The following USP46 variants were observed in gnomAD, a reference collection of about 807,000 sequenced individuals.
The protein encoded by USP46 is ubiquitin carboxyl-terminal hydrolase 46.
A neutral mutation model predicts 44.4 loss-of-function variants in USP46; 12 were observed. The ratio of observed to expected loss-of-function variants is 0.27; its 90% CI spans 0.17 to 0.44. The LOEUF (loss-of-function observed/expected upper bound fraction) is 0.44. USP46 is among the 20% of genes least tolerant of loss of function. USP46 has a pLI of 1.00. For synonymous variants in USP46, 155 were observed against 161.5 expected (o/e 0.96, Z 0.31); for missense variants, 248 against 444.8 (o/e 0.56, Z 3.98).
intron 2 of USP46, 168 bp from the exon 3 acceptor site, chr4:52,628,331 T>C: frequency 1.7e-6 from 1 of 601,452 alleles, no homozygotes; most frequent in South Asian, 2.3e-5. Context: ...TAAACACCAG[T>C]GACCATCTGA....
chr4:52,628,322 A>G, intron 2 of USP46, 159 bp from the exon 3 acceptor site: 1 of 631,038 alleles, frequency 1.6e-6, no homozygotes, highest in East Asian at 2.8e-5. Context: ...TAACTACTCT[A>G]AACACCAGTG....
chr4:52,595,167 T>C lies in USP46; in HGVS notation c.*2473A>G, dbSNP rs1002286538. The C allele has an allele frequency of 6.6e-6, 1 of 152,618 alleles. No individual in the cohort carries two copies. Among genetic ancestry groups the C allele is most frequent in the Non-Finnish European group, 1.5e-5 (1 of 68,024 alleles). The allele number at this position is 152,618 out of a possible 1,614,324, so 9.5% of individuals were successfully genotyped here. A position where few individuals can be genotyped will look rare whatever the true frequency, so the allele number is the denominator to read the frequency against. On this transcript the variant is annotated 3_prime_UTR_variant, in exon 9 of 9. Transcript: ENST00000441222. ...CATTGGAGGGAATACTGCAGAGCCT[T>C]TGGGCTATCGCTGACCTCAGAATGG...
chr4:52,627,235 C>T (rs1717630258), intron 3 of USP46, among the ~76,000 whole-genome samples: 2 of 152,156 alleles, frequency 1.3e-5, no homozygotes, highest in Non-Finnish European at 1.5e-5. Flanking sequence ...CTTCAAAATA[C>T]AGCAATCAAA....
intron 1 of USP46, among the ~76,000 whole-genome samples, chr4:52,640,654 A>G (rs1718302263): frequency 6.6e-6 from 1 of 151,768 alleles, no homozygotes; most frequent in Non-Finnish European, 1.5e-5. Context: ...AAAAAATACA[A>G]AATTAGCCAG....
rs1328093125 is a variant in USP46, at chr4:52,625,974, A to T, written c.561+44T>A. The T allele has an allele frequency of 2.6e-6, 4 of 1,557,230 alleles. No individual in the cohort carries two copies. The East Asian group carries it at 9.0e-5, about 35-fold the overall frequency. On this transcript the variant is annotated intron_variant, in intron 4 of 8. Transcript: ENST00000441222. ...CAATCACATGCAACATAGCGTACAT[A>T]AATATGAACATGCGAGCTACATAAG... is the stretch of plus-strand genomic sequence containing the variant.
At chr4:52,620,959 T>A (rs1461507436) in intron 4 of USP46, among the ~76,000 whole-genome samples, 2 of 152,144 alleles carry the variant, frequency 1.3e-5, no homozygotes, top group East Asian at 1.9e-4. Context: ...AACTAAAGCA[T>A]CATGCAACAA....
Position 52,631,044 on chromosome 4 carries a change from A to G in USP46, c.117+20T>C. The G allele has an allele frequency of 6.5e-7, 1 of 1,546,118 alleles. No homozygotes were observed. The highest frequency in any genetic ancestry group is 8.8e-7 in the Non-Finnish European group (1 of 1,142,276). The stretch of plus-strand genomic sequence containing the variant: ...ATACCCTAAAACATTTGATGAAAAT[A>G]ATACATTTTACATACTTACATTGAC... On this transcript the variant is annotated intron_variant, in intron 2 of 8. Coordinates refer to ENST00000441222, the MANE Select transcript of USP46 (RefSeq NM_022832.4).
chr4:52,591,422 C>T lies in USP46; in HGVS notation c.*6218G>A, dbSNP rs1716007554. The T allele has an allele frequency of 1.3e-5, 2 of 152,208 alleles. No individual in the cohort carries two copies. The highest frequency in any genetic ancestry group is 2.9e-5 in the Non-Finnish European group (2 of 68,034). 9.4% of individuals were successfully genotyped at this position (152,208 alleles called of 1,614,324 possible). A position where few individuals can be genotyped will look rare whatever the true frequency, so the allele number is the denominator to read the frequency against. On this transcript the variant is annotated 3_prime_UTR_variant, in exon 9 of 9. Transcript: ENST00000441222. The stretch of plus-strand genomic sequence containing the variant: ...AGACTGCAGTCTACAACACAAGTGC[C>T]TGAACTCCTTTTCCAAGAAGAGCTT...
chr4:52,648,013 C>G (rs1718616447), intron 1 of USP46, among the ~76,000 whole-genome samples: 1 of 152,214 alleles, frequency 6.6e-6, no homozygotes, highest in African/African-American at 2.4e-5. Flanking sequence ...CACTAGACAT[C>G]AATCTCTCTG....
At chr4:52,615,016 T>C (rs757873536) in intron 4 of USP46, among the ~76,000 whole-genome samples, 8 of 151,660 alleles carry the variant, frequency 5.3e-5, no homozygotes, top group Non-Finnish European at 1.0e-4. Flanking sequence ...CACCCAGGCA[T>C]GCGAAAATGT....
intron 1 of USP46, 121 bp downstream of exon 1, chr4:52,658,994 C>T: frequency 6.3e-6 from 8 of 1,272,782 alleles, no homozygotes; most frequent in Non-Finnish European, 8.3e-6. Flanking sequence ...CCGGGAACTT[C>T]TGGCGGCGCG....
chr4:52,635,215 T>C (rs1030884727), intron 1 of USP46, among the ~76,000 whole-genome samples: 5 of 152,140 alleles, frequency 3.3e-5, no homozygotes, highest in African/African-American at 7.2e-5. Context: ...ACTTTGAGTA[T>C]ATGGATAACG....
rs1481291796 is a variant in USP46 at position 52,628,018 on chromosome 4, G to A, written c.263C>T (p.Ala88Val). 1 of 1,613,848 alleles carries A rather than the reference G, an allele frequency of 6.2e-7. No homozygotes were observed. The highest frequency in any genetic ancestry group is 2.2e-5 in the East Asian group (1 of 44,882). Residue 88 changes from alanine to valine, a missense_variant, in exon 3 of 9, where the codon GCC becomes GTC. Around this residue, in one of 5 missense-constraint regions of USP46, gnomAD observed 54 missense variants for 135.0 expected, o/e 0.40. Coordinates refer to ENST00000441222, the MANE Select transcript of USP46 (RefSeq NM_022832.4). ...GACGCCAACCTTCTTCTTCTGTGTG[G>A]CAATGCTGTGGAAAAGGTCCGCCAG... ...TCLADLFHSI[A>V]TQKKKVGVIP...
At chr4:52,601,790 G>C (rs1577657662) in intron 7 of USP46, 67 bp downstream of exon 7, 1 of 1,518,040 alleles carries the variant, frequency 6.6e-7, no homozygotes, top group African/African-American at 1.4e-5. Flanking sequence ...GGTGCAGCTG[G>C]GTATACTTCA....
chr4:52,656,670 A>G (rs1346121270), intron 1 of USP46: 1 of 805,532 alleles, frequency 1.2e-6, no homozygotes, highest in Non-Finnish European at 1.6e-6. Context: ...ATACAACAAT[A>G]TTAACATCAC....
rs142877935 is a variant in USP46, at chr4:52,634,691, C to T, written c.37-3547G>A. Among the ~76,000 whole-genome samples the T allele has an allele frequency of 9.2e-3, 1,405 of 152,162 alleles. 18 individuals carry two copies. Among genetic ancestry groups the T allele is most frequent in the African/African-American group, 0.032 (1,334 of 41,542 alleles). On this transcript the variant is annotated intron_variant, in intron 1 of 8. Transcript: ENST00000441222. ...CCACCTGCCTCGGCCTCCCAAAGTGCTGGGATTACAGGCATGAGCCGCCAC... is the reference window on the plus strand; with the variant it reads ...CCACCTGCCTCGGCCTCCCAAAGTGTTGGGATTACAGGCATGAGCCGCCAC...
At chr4:52,617,453 A>T (rs962513553) in intron 4 of USP46, among the ~76,000 whole-genome samples, 3 of 152,228 alleles carry the variant, frequency 2.0e-5, no homozygotes, top group African/African-American at 7.2e-5. Flanking sequence ...GAGAAATGGA[A>T]CAAATATAAT....
At chr4:52,632,895 GAAGGGAAAGAGAAAGAAA>G (rs1717892190) in intron 1 of USP46, among the ~76,000 whole-genome samples, 7 of 84,922 alleles carry the variant, frequency 8.2e-5, no homozygotes, top group African/African-American at 2.2e-4. Flanking sequence ...AGGAAGGAAG[GAAGGGAAAGAGAAAGAAA>G]GAAAGAGAAA....
At chr4:52,646,694 T>G (rs2109661878) in intron 1 of USP46, among the ~76,000 whole-genome samples, 1 of 152,310 alleles carries the variant, frequency 6.6e-6, no homozygotes, top group Admixed American at 6.5e-5. Context: ...ACAATAAAAC[T>G]GGTCCTTCCC....
Sources: allele counts gnomAD v4.1 joint callset (sites outside exome capture counted in the v4.1 genomes callset), GRCh38; gene constraint gnomAD v4.1.1; regional missense constraint gnomAD v4.1.1; transcripts MANE v1.5; gene names NCBI Gene and HGNC (gene_info 2026-07-23, HGNC 2026-07-21).